HECW2: variants seen among roughly 807,000 people sequenced by gnomAD.
HECW2 encodes the protein E3 ubiquitin-protein ligase HECW2.
In HECW2, 61 loss-of-function variants were observed where a neutral mutation model predicts 175.2. The observed-to-expected ratio is 0.35, with a 90% CI of 0.28 to 0.43. The LOEUF (loss-of-function observed/expected upper bound fraction) is 0.43. Ranked by LOEUF, HECW2 falls within the 20% of genes least tolerant of loss-of-function variation. HECW2 has a pLI of 1.00. For missense variants in HECW2, 1,524 were observed against 2,000.5 expected (o/e 0.76, Z 4.54); for synonymous variants, 671 against 731.0 (o/e 0.92, Z 1.32).
intron 1 of HECW2, among the ~76,000 whole-genome samples, chr2:196,473,120 C>T (rs181767208): frequency 1.0e-3 from 159 of 152,280 alleles, no homozygotes; most frequent in Admixed American, 1.8e-3. Context: ...ACTCAAGACA[C>T]ATTTATTCTG....
chr2:196,216,791 C>T (rs1049821327), intron 27 of HECW2, among the ~76,000 whole-genome samples: 2 of 152,050 alleles, frequency 1.3e-5, no homozygotes, highest in African/African-American at 4.8e-5. Context: ...TTGACACTTC[C>T]CTAAACTCTC....
intron 14 of HECW2, 98 bp from the exon 15 acceptor site, chr2:196,278,760 A>G: frequency 1.5e-6 from 2 of 1,307,486 alleles, no homozygotes; most frequent in Non-Finnish European, 2.2e-6. Flanking sequence ...CTGAGTCACA[A>G]TCTTAGCTCT....
chr2:196,538,974 A>T (rs900963060), intron 1 of HECW2, among the ~76,000 whole-genome samples: 7 of 152,218 alleles, frequency 4.6e-5, no homozygotes, highest in Non-Finnish European at 8.8e-5. Flanking sequence ...AAAAGACACC[A>T]AGTGCTTCCA....
At chr2:196,222,658 A>C (rs1245964082) in intron 23 of HECW2, among the ~76,000 whole-genome samples, 7 of 152,202 alleles carry the variant, frequency 4.6e-5, no homozygotes, top group Non-Finnish European at 1.0e-4. Flanking sequence ...TCAATGCCAG[A>C]TCAGGAACTG....
At chr2:196,226,141 G>T (rs1687841367) in intron 22 of HECW2, among the ~76,000 whole-genome samples, 1 of 152,048 alleles carries the variant, frequency 6.6e-6, no homozygotes, top group Non-Finnish European at 1.5e-5. Flanking sequence ...GATCATGGAG[G>T]CTGATCCCTT....
chr2:196,525,462 A>C (rs1201925223), intron 1 of HECW2, among the ~76,000 whole-genome samples: 1 of 149,890 alleles, frequency 6.7e-6, no homozygotes, highest in East Asian at 2.0e-4. Context: ...TAATTGGATA[A>C]TTTAGTCCAT....
intron 1 of HECW2, among the ~76,000 whole-genome samples, chr2:196,449,423 A>G (rs1696281620): frequency 6.6e-6 from 1 of 152,262 alleles, no homozygotes. Context: ...TGATTTCTGC[A>G]GAATAGATAA....
chr2:196,240,559 T>C lies in HECW2; in HGVS notation c.3654A>G (p.Leu1218=). The change falls in exon 21 of 29, where the codon TTA becomes TTG. Residue 1218 remains leucine, a synonymous_variant. Coordinates refer to ENST00000644978, the MANE Select transcript of HECW2 (RefSeq NM_001348768.2). ...CTAGTAAGTGATCTCTTCGGATAATTAACCTGTCCATAAAGAGACAATTTA... is the reference window on the plus strand; with the variant it reads ...CTAGTAAGTGATCTCTTCGGATAATCAACCTGTCCATAAAGAGACAATTTA... ...GYGQGPGKLK[L]IIRRDHLLED... 6.2e-7 allele frequency: 1 copy of C among 1,602,740 alleles called. No individual in the cohort carries two copies. Among genetic ancestry groups the C allele is most frequent in the South Asian group, 1.1e-5 (1 of 88,974 alleles).
chr2:196,420,509 G>A (rs1444717160), intron 2 of HECW2, among the ~76,000 whole-genome samples: 1 of 152,190 alleles, frequency 6.6e-6, no homozygotes, highest in African/African-American at 2.4e-5. Context: ...AAGACCCACT[G>A]GAGAAAATGA....
In HECW2 at chr2:196,231,092, C is replaced by CAAAAAAAA. The variant is rs10653412; in HGVS notation, c.3765-2846_3765-2839dup. 1.3e-4 allele frequency among the ~76,000 whole-genome samples: 7 copies of CAAAAAAAA among 55,326 alleles called. 2 individuals are homozygous for CAAAAAAAA. Among genetic ancestry groups the CAAAAAAAA allele is most frequent in the East Asian group, 5.8e-4 (1 of 1,716 alleles). 36.3% of individuals were successfully genotyped at this position (55,326 alleles called of 152,430 possible). A position where few individuals can be genotyped will look rare whatever the true frequency, so the allele number is the denominator to read the frequency against. On this transcript the variant is annotated intron_variant, in intron 21 of 28. Coordinates refer to ENST00000644978, the MANE Select transcript of HECW2 (RefSeq NM_001348768.2). ...CTGGCGACAGAGCAGGACTCCGTCT[C>CAAAAAAAA]AAAAAAAAAAAAAAAAAAAAAAAAG...
chr2:196,352,761 A>G (rs1441342223), intron 2 of HECW2, among the ~76,000 whole-genome samples: 1 of 152,200 alleles, frequency 6.6e-6, no homozygotes, highest in Non-Finnish European at 1.5e-5. Context: ...AATTGGTCCT[A>G]AACTATTTGA....
At chr2:196,495,440 A>G (rs1687357297) in intron 1 of HECW2, among the ~76,000 whole-genome samples, 1 of 152,148 alleles carries the variant, frequency 6.6e-6, no homozygotes, top group South Asian at 2.1e-4. Flanking sequence ...AAAATACCAT[A>G]ATATACTGTG....
chr2:196,487,105 C>T (rs1161162809), intron 1 of HECW2, among the ~76,000 whole-genome samples: 6 of 149,258 alleles, frequency 4.0e-5, no homozygotes, highest in Non-Finnish European at 7.4e-5. Flanking sequence ...GCCAAGATCG[C>T]ACCACTGCAC....
chr2:196,569,253 G>A (rs1013456748), intron 1 of HECW2, among the ~76,000 whole-genome samples: 10 of 152,054 alleles, frequency 6.6e-5, no homozygotes, highest in African/African-American at 2.4e-4. Context: ...GAGGCAGGAG[G>A]CTCACTTGAG....
intron 2 of HECW2, among the ~76,000 whole-genome samples, chr2:196,400,813 C>G (rs1474217661): frequency 1.6e-4 from 21 of 133,730 alleles, no homozygotes; most frequent in African/African-American, 6.5e-4. Flanking sequence ...CCCATTCCCA[C>G]AAAATGCAAA....
chr2:196,370,552 C>T (rs1026081002), intron 2 of HECW2, among the ~76,000 whole-genome samples: 1 of 152,142 alleles, frequency 6.6e-6, no homozygotes, highest in Admixed American at 6.5e-5. Flanking sequence ...GGTCACAAGC[C>T]CCCAAAGTCT....
chr2:196,296,208 C>A lies in HECW2; in HGVS notation c.2815-3458G>T, dbSNP rs557589299. 3.3e-5 allele frequency among the ~76,000 whole-genome samples: 5 copies of A among 152,254 alleles called. No homozygotes were observed. In the East Asian group the frequency reaches 9.6e-4, roughly 29 times the overall value. ...CTATAGTTTGGGAAGGATATTTATA[C>A]TCCACTTCATATAGAACTACAGTGC... is the stretch of plus-strand genomic sequence containing the variant. On this transcript the variant is annotated intron_variant, in intron 13 of 28. Transcript: ENST00000644978.
chr2:196,229,756 C>T (rs573455241), intron 21 of HECW2, among the ~76,000 whole-genome samples: 1 of 152,188 alleles, frequency 6.6e-6, no homozygotes, highest in East Asian at 1.9e-4. Context: ...TACTACTTTC[C>T]CAATTTTTGT....
intron 2 of HECW2, among the ~76,000 whole-genome samples, chr2:196,399,312 C>A (rs1694754204): frequency 6.6e-6 from 1 of 152,156 alleles, no homozygotes; most frequent in Non-Finnish European, 1.5e-5. Flanking sequence ...TGCATGAAAA[C>A]ATATGTATAT....
Sources: allele counts gnomAD v4.1 joint callset (sites outside exome capture counted in the v4.1 genomes callset), GRCh38; gene constraint gnomAD v4.1.1; transcripts MANE v1.5; gene names NCBI Gene and HGNC (gene_info 2026-07-23, HGNC 2026-07-21).